The following PHF21A variants were observed in gnomAD, a reference collection of about 807,000 sequenced individuals.
The protein encoded by PHF21A is PHD finger protein 21A.
Under a neutral mutation model 82.5 loss-of-function variants are expected in PHF21A, and 11 were observed. The observed-to-expected ratio is 0.13, with a 90% CI of 0.08 to 0.22. The LOEUF (loss-of-function observed/expected upper bound fraction) is 0.22. PHF21A is among the 10% of genes least tolerant of loss of function. PHF21A has a pLI of 1.00. For missense variants in PHF21A, 579 were observed against 837.8 expected, an observed-to-expected ratio of 0.69 and a Z score of 3.81; for synonymous variants, 297 against 302.8, an observed-to-expected ratio of 0.98 and a Z score of 0.20.
At chr11:45,951,791 C>T (rs1041847159) in intron 11 of PHF21A, among the ~76,000 whole-genome samples, 5 of 148,426 alleles carry the variant, frequency 3.4e-5, no homozygotes, top group African/African-American at 1.2e-4. Context: ...AAAAAATGTC[C>T]TCTCTTGTGG....
At chr11:46,074,771 G>A (rs1261518841) in intron 6 of PHF21A, among the ~76,000 whole-genome samples, 1 of 152,184 alleles carries the variant, frequency 6.6e-6, no homozygotes, top group African/African-American at 2.4e-5. Flanking sequence ...CCAAAGTGCT[G>A]GGATTACAGG....
intron 6 of PHF21A, among the ~76,000 whole-genome samples, chr11:46,000,236 A>C (rs894033609): frequency 2.6e-5 from 4 of 152,230 alleles, no homozygotes; most frequent in Non-Finnish European, 5.9e-5. Context: ...CTATGCAAAC[A>C]AATTATTCAC....
chr11:46,022,951 A>G (rs2095660635), intron 6 of PHF21A, among the ~76,000 whole-genome samples: 1 of 152,124 alleles, frequency 6.6e-6, no homozygotes, highest in Non-Finnish European at 1.5e-5. Context: ...GGGTTTCGCC[A>G]TCTTGGCCAG....
chr11:45,981,934 G>GTTTTTTTTTTTTTTTTTTTT (rs2094305662), intron 6 of PHF21A, among the ~76,000 whole-genome samples: 1 of 88,012 alleles, frequency 1.1e-5, no homozygotes, highest in African/African-American at 4.1e-5. Flanking sequence ...CTCTCTTTTT[G>GTTTTTTTTTTTTTTTTTTTT]TTTTTCTTTT....
chr11:46,088,109 G>A (rs1248749214), intron 3 of PHF21A, among the ~76,000 whole-genome samples: 2 of 152,154 alleles, frequency 1.3e-5, no homozygotes, highest in African/African-American at 4.8e-5. Context: ...GAATACCACT[G>A]GGAGGCAGTT....
intron 6 of PHF21A, among the ~76,000 whole-genome samples, chr11:46,022,277 A>AC (rs912002607): frequency 1.3e-5 from 2 of 151,846 alleles, no homozygotes; most frequent in African/African-American, 4.8e-5. Flanking sequence ...ACATAGCAAG[A>AC]CCCCCATTTC....
At chr11:46,032,900 A>T (rs1472981171) in intron 6 of PHF21A, among the ~76,000 whole-genome samples, 1 of 152,222 alleles carries the variant, frequency 6.6e-6, no homozygotes, top group Non-Finnish European at 1.5e-5. Flanking sequence ...ATATGAATGT[A>T]TAAGTATGTA....
At chr11:46,029,117 G>A (rs2095813530) in intron 6 of PHF21A, among the ~76,000 whole-genome samples, 1 of 152,146 alleles carries the variant, frequency 6.6e-6, no homozygotes, top group Non-Finnish European at 1.5e-5. Context: ...GCTAAACCTT[G>A]TGGAAATTAA....
rs190220677 is a variant in PHF21A, at chr11:45,931,811, G to A, written c.*2157C>T. ...CACGCAAGGGGCAAAGGTCTCCAGC[G>A]AGAGCACAAATCTGACACAATTTAC... On this transcript the variant is annotated 3_prime_UTR_variant, in exon 19 of 19. Transcript: ENST00000676320. The A allele has an allele frequency of 9.2e-5, 14 of 152,468 alleles. No individual in the cohort carries two copies. Among genetic ancestry groups the A allele is most frequent in the African/African-American group, 2.2e-4 (9 of 41,580 alleles). 9.4% of individuals were successfully genotyped at this position (152,468 alleles called of 1,614,324 possible). A position where few individuals can be genotyped will look rare whatever the true frequency, so the allele number is the denominator to read the frequency against.
At chr11:45,992,408 C>T (rs1293631421) in intron 6 of PHF21A, among the ~76,000 whole-genome samples, 6 of 151,054 alleles carry the variant, frequency 4.0e-5, no homozygotes, top group Non-Finnish European at 5.9e-5. Context: ...GGCATGGTGG[C>T]GGGCGCCTGT....
chr11:46,022,271 A>G (rs987581262), intron 6 of PHF21A, among the ~76,000 whole-genome samples: 2 of 152,086 alleles, frequency 1.3e-5, no homozygotes, highest in Non-Finnish European at 2.9e-5. Context: ...TGGGCAACAT[A>G]GCAAGACCCC....
At chr11:46,042,669 A>T (rs1400099238) in intron 6 of PHF21A, among the ~76,000 whole-genome samples, 1 of 152,122 alleles carries the variant, frequency 6.6e-6, no homozygotes, top group Non-Finnish European at 1.5e-5. Flanking sequence ...CAACTGTATT[A>T]TGAGGTGAGG....
chr11:46,050,556 A>G (rs1432283671), intron 6 of PHF21A, among the ~76,000 whole-genome samples: 1 of 152,214 alleles, frequency 6.6e-6, no homozygotes, highest in Non-Finnish European at 1.5e-5. Context: ...TTACTGATAT[A>G]AGCATCTCTG....
intron 6 of PHF21A, among the ~76,000 whole-genome samples, chr11:46,056,454 A>G (rs1438528249): frequency 6.6e-6 from 1 of 152,150 alleles, no homozygotes; most frequent in Non-Finnish European, 1.5e-5. Flanking sequence ...ATAGTTCTCA[A>G]ATTAGTATGA....
intron 1 of PHF21A, among the ~76,000 whole-genome samples, chr11:46,118,460 T>G (rs992146441): frequency 6.7e-6 from 1 of 150,234 alleles, no homozygotes; most frequent in African/African-American, 2.4e-5. Flanking sequence ...CGTAACATGT[T>G]AGCCAGATGT....
intron 6 of PHF21A, among the ~76,000 whole-genome samples, chr11:46,028,054 A>T (rs1176611528): frequency 6.6e-6 from 1 of 151,940 alleles, no homozygotes; most frequent in Non-Finnish European, 1.5e-5. Flanking sequence ...CTAGTAGCTG[A>T]TTCTCTAAAT....
intron 1 of PHF21A, among the ~76,000 whole-genome samples, chr11:46,092,938 TAG>T (rs1396046359): frequency 2.0e-5 from 3 of 152,010 alleles, no homozygotes; most frequent in Non-Finnish European, 4.4e-5. Flanking sequence ...TATTTTTTTG[TAG>T]AGTCAGGCCT....
At chr11:45,974,051 C>G (rs890410102) in intron 7 of PHF21A, among the ~76,000 whole-genome samples, 1 of 152,184 alleles carries the variant, frequency 6.6e-6, no homozygotes, top group Admixed American at 6.5e-5. Context: ...CAAGTTTGTT[C>G]ACATCTTAGG....
intron 6 of PHF21A, among the ~76,000 whole-genome samples, chr11:46,020,452 C>T (rs1444120094): frequency 3.9e-5 from 6 of 152,274 alleles, no homozygotes; most frequent in East Asian, 1.9e-4. Flanking sequence ...ACATACGCAG[C>T]GGATGGAAGT....
Sources: allele counts gnomAD v4.1 joint callset (sites outside exome capture counted in the v4.1 genomes callset), GRCh38; gene constraint gnomAD v4.1.1; transcripts MANE v1.5; gene names NCBI Gene and HGNC (gene_info 2026-07-23, HGNC 2026-07-21).